The following VPS13B variants were observed in gnomAD, a reference collection of about 807,000 sequenced individuals.
VPS13B encodes vacuolar protein sorting 13 homolog B.
VPS13B carries 285 observed loss-of-function variants against 426.4 expected under a neutral mutation model. The observed-to-expected ratio is 0.67, with a 90% CI of 0.61 to 0.74. The LOEUF is 0.74. Among genes scored for constraint, VPS13B ranks in the 30% least tolerant of loss-of-function variants. VPS13B has a pLI of 0.00. For missense variants in VPS13B, 4,537 were observed against 4,782.6 expected (o/e 0.95, Z 1.51); for synonymous variants, 1,676 against 1,676.4 (o/e 1.00, Z 0.01).
intron 19 of VPS13B, among the ~76,000 whole-genome samples, chr8:99,325,761 T>C: frequency 7.9e-6 from 1 of 126,082 alleles, no homozygotes; most frequent in South Asian, 2.7e-4. Context: ...AGCTTTCAAG[T>C]ATCAGGTAAT....
At chr8:99,563,559 A>G (rs1299228694) in intron 31 of VPS13B, among the ~76,000 whole-genome samples, 1 of 152,166 alleles carries the variant, frequency 6.6e-6, no homozygotes, top group Non-Finnish European at 1.5e-5. Flanking sequence ...GATTGAGTCT[A>G]TCGGTGGGGT....
intron 33 of VPS13B, among the ~76,000 whole-genome samples, chr8:99,629,571 C>A (rs751717458): frequency 3.3e-5 from 5 of 152,024 alleles, no homozygotes; most frequent in Non-Finnish European, 5.9e-5. Flanking sequence ...AAAATGGACT[C>A]TTATGAGGGA....
Position 99,170,168 on chromosome 8 carries a change from G to T in VPS13B, c.2333+5G>T. ...TCTGAAACTCCCCACATGCTGGTAA[G>T]TCTTACATGTTAAAATGTGATTTAT... On this transcript the variant is annotated splice_donor_5th_base_variant and intron_variant, in intron 16 of 61. Coordinates refer to ENST00000357162, the MANE Select transcript of VPS13B (RefSeq NM_152564.5). The T allele has an allele frequency of 6.2e-7, 1 of 1,612,098 alleles. No homozygotes were observed. Among genetic ancestry groups the T allele is most frequent in the Non-Finnish European group, 8.5e-7 (1 of 1,178,588 alleles).
At chr8:99,440,101 C>T (rs1477286561) in intron 22 of VPS13B, among the ~76,000 whole-genome samples, 1 of 152,130 alleles carries the variant, frequency 6.6e-6, no homozygotes, top group Admixed American at 6.6e-5. Context: ...AATCCCTTCA[C>T]TTTAACACAT....
At chr8:99,108,946 T>C (rs758960711) in intron 5 of VPS13B, among the ~76,000 whole-genome samples, 7 of 152,204 alleles carry the variant, frequency 4.6e-5, no homozygotes, top group Non-Finnish European at 1.0e-4. Flanking sequence ...ATTAGTTCTT[T>C]AAATGTTTGG....
rs376467374 is a variant in VPS13B at position 99,575,662 on chromosome 8, C to T, written c.4954C>T (p.Arg1652Trp). The change falls in exon 32 of 62, where the codon CGG becomes TGG. Residue 1652 changes from arginine to tryptophan, a missense_variant. By Grantham distance (101) the Arg-to-Trp change is moderately radical (BLOSUM62 -3). Transcript: ENST00000357162. ...ATCTTTTACTCTATCTTTTAGCATACGGCGGCATCAAGAAAGGAGAGCAAT... is the reference window on the plus strand; with the variant it reads ...ATCTTTTACTCTATCTTTTAGCATATGGCGGCATCAAGAAAGGAGAGCAAT... ...ALEWNMASSI[R>W]RHQERRAILT... The T allele has an allele frequency of 3.0e-5, 49 of 1,613,654 alleles. No individual in the cohort carries two copies. The highest frequency in any genetic ancestry group is 5.0e-5 in the Admixed American group (3 of 59,924).
At position 99,597,294 on chromosome 8, in the gene VPS13B, A is replaced by G. The variant is rs184118638; in HGVS notation, c.5220+19661A>G. Among the ~76,000 whole-genome samples the G allele has an allele frequency of 1.1e-4, 16 of 152,112 alleles. No individual in the cohort carries two copies. The East Asian group carries it at 3.1e-3, about 29-fold the overall frequency. ...GGCCCAGACAAGGATAGTGTTTCAT[A>G]TGAAGACAGTGAGAAAGGTAAACTG... On this transcript the variant is annotated intron_variant, in intron 33 of 61. Coordinates refer to ENST00000357162, the MANE Select transcript of VPS13B (RefSeq NM_152564.5).
chr8:99,191,177 C>T (rs1563593293), intron 16 of VPS13B, among the ~76,000 whole-genome samples: 1 of 151,552 alleles, frequency 6.6e-6, no homozygotes, highest in Non-Finnish European at 1.5e-5. Context: ...AGCTTTGTTT[C>T]TTTACATGTG....
chr8:99,585,600 G>GA (rs914039748), intron 33 of VPS13B, among the ~76,000 whole-genome samples: 1 of 151,900 alleles, frequency 6.6e-6, no homozygotes, highest in Non-Finnish European at 1.5e-5. Flanking sequence ...CTCAATAAGT[G>GA]AAAAAAATTT....
chr8:99,274,224 A>G lies in VPS13B; in HGVS notation c.2542A>G (p.Thr848Ala), dbSNP rs745738175. Residue 848 changes from threonine to alanine, a missense_variant, in exon 18 of 62, where the codon ACT becomes GCT. Thr to Ala is a moderately conservative substitution (Grantham distance 58). This residue lies in a region of VPS13B where 4,311 missense variants were observed against 4,474.3 expected (regional missense o/e 0.96). Coordinates refer to ENST00000357162, the MANE Select transcript of VPS13B (RefSeq NM_152564.5). Reference protein sequence around the residue: ...IGVKSKNPLPTLEGSIQNVEL... With the variant: ...IGVKSKNPLPALEGSIQNVEL... Reference sequence around the variant, plus strand: ...TGTGAAATCTAAGAATCCCCTGCCAACTCTTGAGGGCTCAATCCAGAATGT... The same window carrying G: ...TGTGAAATCTAAGAATCCCCTGCCAGCTCTTGAGGGCTCAATCCAGAATGT... 5 of 1,614,130 alleles carry G rather than the reference A, an allele frequency of 3.1e-6. No individual in the cohort carries two copies. Among genetic ancestry groups the G allele is most frequent in the South Asian group, 1.1e-5 (1 of 91,088 alleles).
chr8:99,641,964 C>T lies in VPS13B; in HGVS notation c.5374C>T (p.His1792Tyr). The T allele has an allele frequency of 6.2e-7, 1 of 1,614,130 alleles. No homozygotes were observed. The highest frequency in any genetic ancestry group is 2.2e-5 in the East Asian group (1 of 44,876). The stretch of plus-strand genomic sequence containing the variant: ...AGAGCAGCACAGTGGTGCCAGTCAG[C>T]ATCGCATTGCCCGTCCCTCACGCCA... ...QIEQHSGASQ[H>Y]RIARPSRQSS... The change falls in exon 34 of 62, where the codon CAT becomes TAT. Residue 1792 changes from histidine to tyrosine, a missense_variant. Physicochemically the swap from His to Tyr is moderately conservative, Grantham distance 83. Coordinates refer to ENST00000357162, the MANE Select transcript of VPS13B (RefSeq NM_152564.5).
At chr8:99,023,436 A>G (rs1841994680) in intron 2 of VPS13B, among the ~76,000 whole-genome samples, 1 of 151,320 alleles carries the variant, frequency 6.6e-6, no homozygotes, top group Non-Finnish European at 1.5e-5. Context: ...TTCTGGCATA[A>G]TAGTATTCCG....
Position 99,711,787 on chromosome 8 carries a change from A to G in VPS13B, c.6455-5384A>G, listed in dbSNP as rs988168702. Among the ~76,000 whole-genome samples the G allele has an allele frequency of 8.5e-5, 13 of 152,336 alleles. No homozygotes were observed. The East Asian group carries it at 2.3e-3, about 27-fold the overall frequency. On this transcript the variant is annotated intron_variant, in intron 36 of 61. Transcript: ENST00000357162. The stretch of plus-strand genomic sequence containing the variant: ...ATACATTGCCAAGAGAAAATCTGAT[A>G]TGAAAGAAAATTGCTAATTATTTAC...
chr8:99,365,433 T>C (rs780280271), intron 19 of VPS13B, among the ~76,000 whole-genome samples: 2 of 151,690 alleles, frequency 1.3e-5, no homozygotes, highest in African/African-American at 4.8e-5. Context: ...AACTCCCCCT[T>C]AGTCCTGCTT....
intron 31 of VPS13B, 151 bp downstream of exon 31, chr8:99,556,804 G>A: frequency 1.1e-6 from 1 of 892,570 alleles, no homozygotes; most frequent in Admixed American, 2.0e-5. Flanking sequence ...TGTAATTGTA[G>A]CTGATGATTT....
intron 43 of VPS13B, among the ~76,000 whole-genome samples, chr8:99,790,413 T>C (rs1812480727): frequency 6.6e-6 from 1 of 152,196 alleles, no homozygotes; most frequent in Non-Finnish European, 1.5e-5. Flanking sequence ...TATTTTCATG[T>C]ATTACTTATT....
intron 16 of VPS13B, among the ~76,000 whole-genome samples, chr8:99,180,184 A>G (rs1812870744): frequency 6.6e-6 from 1 of 152,126 alleles, no homozygotes; most frequent in South Asian, 2.1e-4. Flanking sequence ...CTTCTTTTGT[A>G]TTTTGTTTGT....
At chr8:99,714,572 A>G (rs780678928) in intron 36 of VPS13B, among the ~76,000 whole-genome samples, 6 of 152,216 alleles carry the variant, frequency 3.9e-5, no homozygotes, top group Non-Finnish European at 8.8e-5. Flanking sequence ...TTACAATGGC[A>G]AAATCTGACA....
At chr8:99,105,352 T>A (rs1846987017) in intron 5 of VPS13B, among the ~76,000 whole-genome samples, 1 of 152,148 alleles carries the variant, frequency 6.6e-6, no homozygotes, top group South Asian at 2.1e-4. Context: ...TGAGTTGACA[T>A]TTGTGGTGAA....
Sources: allele counts gnomAD v4.1 joint callset (sites outside exome capture counted in the v4.1 genomes callset), GRCh38; gene constraint gnomAD v4.1.1; regional missense constraint gnomAD v4.1.1; transcripts MANE v1.5; gene names NCBI Gene and HGNC (gene_info 2026-07-23, HGNC 2026-07-21).